Variants in SRPK1 observed in about 807,000 individuals in gnomAD.
SRPK1 encodes SRSF protein kinase 1.
A neutral mutation model predicts 89.5 loss-of-function variants in SRPK1; 52 were observed. That is an observed-to-expected ratio of 0.58 (90% CI 0.46 to 0.73). The LOEUF is 0.73. SRPK1 is among the 30% of genes least tolerant of loss of function. The pLI is 0.00. For missense variants in SRPK1, 603 were observed against 780.6 expected (o/e 0.77, Z 2.71); for synonymous variants, 255 against 270.2 (o/e 0.94, Z 0.55).
Position 35,869,490 on chromosome 6 carries a change from T to C in SRPK1, c.1403A>G (p.Asp468Gly). Residue 468 changes from aspartate (D) to glycine (G), a missense_variant, in exon 11 of 16, where the codon GAC (aspartate) becomes GGC (glycine). Asp to Gly is a moderately conservative substitution (Grantham distance 94). Transcript: ENST00000373825. The part of the protein sequence containing the change: ...EQEQEHNGPL[D>G]NKGKSTAGNF... ...TATAGCTGCATAGGTACCTTTGTTG[T>C]CCAGTGGTCCGTTATGTTCTTGCTC... is the stretch of plus-strand genomic sequence containing the variant. 2 of 1,613,028 alleles carry C rather than the reference T, an allele frequency of 1.2e-6. No homozygotes were observed. Among genetic ancestry groups the C allele is most frequent in the South Asian group, 1.1e-5 (1 of 91,044 alleles).
At position 35,913,289 on chromosome 6, in the gene SRPK1, AAT is replaced by A. The variant is rs543288956; in HGVS notation, c.74+7177_74+7178del. Reference sequence around the variant, plus strand: ...ATTTTCTGACAAGAGAAGTTCTAGAAATTCAATTTTGCAAGTAAATTTATATT... The same window carrying A: ...ATTTTCTGACAAGAGAAGTTCTAGAATCAATTTTGCAAGTAAATTTATATT... On this transcript the variant is annotated intron_variant, in intron 2 of 15. Coordinates refer to ENST00000373825, the MANE Select transcript of SRPK1 (RefSeq NM_003137.5). Among the ~76,000 whole-genome samples, 304 of 152,344 alleles carry A rather than the reference AAT, an allele frequency of 2.0e-3. 2 individuals are homozygous for A. The highest frequency in any genetic ancestry group is 6.9e-3 in the African/African-American group (287 of 41,574).
intron 2 of SRPK1, among the ~76,000 whole-genome samples, chr6:35,894,286 AT>A (rs1415400117): frequency 6.6e-6 from 1 of 152,218 alleles, no homozygotes; most frequent in African/African-American, 2.4e-5. Context: ...ACAGACTATG[AT>A]GCTCTAGTCT....
At chr6:35,865,251 G>A (rs1769868058) in intron 12 of SRPK1, among the ~76,000 whole-genome samples, 2 of 152,128 alleles carry the variant, frequency 1.3e-5, no homozygotes, top group South Asian at 4.2e-4. Context: ...ACTCCATGAT[G>A]TGATTATTTC....
chr6:35,842,447 T>A, intron 14 of SRPK1, 88 bp downstream of exon 14: 1 of 1,008,774 alleles, frequency 9.9e-7, no homozygotes, highest in Non-Finnish European at 1.4e-6. Context: ...CTAACAAGAC[T>A]AAGGCTCTTC....
chr6:35,920,076 C>T, intron 2 of SRPK1: 1 of 462,404 alleles, frequency 2.2e-6, no homozygotes, highest in South Asian at 1.5e-5. Flanking sequence ...GTGAAGACGT[C>T]GGAGGCAAGT....
chr6:35,899,198 C>A (rs906141681), intron 2 of SRPK1, among the ~76,000 whole-genome samples: 7 of 152,112 alleles, frequency 4.6e-5, no homozygotes, highest in African/African-American at 1.7e-4. Context: ...TAATGAAGCA[C>A]AATTAGGCAA....
At chr6:35,895,389 A>G (rs1770608317) in intron 2 of SRPK1, among the ~76,000 whole-genome samples, 1 of 152,114 alleles carries the variant, frequency 6.6e-6, no homozygotes, top group African/African-American at 2.4e-5. Flanking sequence ...ACGAAGTTAA[A>G]GTGCCTACAG....
rs765208863 is a variant in SRPK1 at position 35,870,985 on chromosome 6, G to C, written c.752-26C>G. On this transcript the variant is annotated intron_variant, in intron 8 of 15. Transcript: ENST00000373825. ...CTGAAAAGAAAAGAAAACCAAGTAA[G>C]AATTCTGGCATTCATCAGGCAATAT... 1.9e-6 allele frequency: 3 copies of C among 1,602,866 alleles called. No individual in the cohort carries two copies. The South Asian group carries it at 3.3e-5, about 18-fold the overall frequency.
In SRPK1 at chr6:35,888,116, G is replaced by GATT; in HGVS notation, c.303-6_303-5insAAT. ...ATTGCCACAAATTTCTTCCCCCTAA[G>GATT]AAACAAACACAGGCAATTAAGACTA... On this transcript the variant is annotated splice_polypyrimidine_tract_variant and splice_region_variant and intron_variant, in intron 4 of 15. Coordinates refer to ENST00000373825, the MANE Select transcript of SRPK1 (RefSeq NM_003137.5). The GATT allele has an allele frequency of 6.2e-7, 1 of 1,601,350 alleles. No homozygotes were observed. Among genetic ancestry groups the GATT allele is most frequent in the East Asian group, 2.2e-5 (1 of 44,464 alleles).
chr6:35,833,680 T>A lies in SRPK1; in HGVS notation c.*1624A>T, dbSNP rs746994816. 1 of 152,636 alleles carries A rather than the reference T, an allele frequency of 6.6e-6. No individual in the cohort carries two copies. The allele number at this position is 152,636 out of a possible 1,614,324, so 9.5% of individuals were successfully genotyped here. A position where few individuals can be genotyped will look rare whatever the true frequency, so the allele number is the denominator to read the frequency against. On this transcript the variant is annotated 3_prime_UTR_variant, in exon 16 of 16. Transcript: ENST00000373825. Reference sequence around the variant, plus strand: ...GGCTGGCCAGTTACTCAGAGTAATATGTTTATGAGTTAAATGGATTGCATA... The same window carrying A: ...GGCTGGCCAGTTACTCAGAGTAATAAGTTTATGAGTTAAATGGATTGCATA...
chr6:35,882,161 T>TAGCAGC (rs1554152843), intron 6 of SRPK1, among the ~76,000 whole-genome samples: 4 of 118,392 alleles, frequency 3.4e-5, no homozygotes, highest in Admixed American at 8.3e-5. Flanking sequence ...GTAGTAGTAG[T>TAGCAGC]AGCAGCAGCA....
At chr6:35,850,936 C>T (rs1458298990) in intron 13 of SRPK1, among the ~76,000 whole-genome samples, 1 of 151,932 alleles carries the variant, frequency 6.6e-6, no homozygotes, top group Non-Finnish European at 1.5e-5. Flanking sequence ...CTTCACAAGA[C>T]TAGGGAAAGA....
intron 13 of SRPK1, among the ~76,000 whole-genome samples, chr6:35,852,859 C>T (rs1769583650): frequency 6.6e-6 from 1 of 152,126 alleles, no homozygotes; most frequent in Non-Finnish European, 1.5e-5. Flanking sequence ...TTAGTCAGCC[C>T]TGGGTGTCTG....
intron 6 of SRPK1, among the ~76,000 whole-genome samples, chr6:35,874,577 T>C (rs1445009377): frequency 3.3e-5 from 5 of 152,254 alleles, no homozygotes; most frequent in Non-Finnish European, 7.3e-5. Flanking sequence ...AATATTATTA[T>C]GTACATTAAA....
intron 10 of SRPK1, 101 bp from the exon 11 acceptor site, chr6:35,870,002 G>C: frequency 1.5e-6 from 2 of 1,315,606 alleles, no homozygotes; most frequent in Non-Finnish European, 2.1e-6. Context: ...AACTTATACT[G>C]AGTGACATAA....
intron 12 of SRPK1, among the ~76,000 whole-genome samples, chr6:35,860,088 T>G (rs1383119729): frequency 1.3e-5 from 2 of 151,972 alleles, no homozygotes; most frequent in African/African-American, 4.8e-5. Context: ...ATGGTCTTGA[T>G]CTCCTGACCT....
chr6:35,919,904 T>C (rs1464884296), intron 2 of SRPK1, among the ~76,000 whole-genome samples: 3 of 152,318 alleles, frequency 2.0e-5, no homozygotes, highest in African/African-American at 7.2e-5. Flanking sequence ...TACACAGCGG[T>C]CTGCCGGCAC....
At chr6:35,891,384 T>C (rs1479036819) in intron 2 of SRPK1, among the ~76,000 whole-genome samples, 4 of 152,332 alleles carry the variant, frequency 2.6e-5, no homozygotes, top group Middle Eastern at 3.4e-3. Flanking sequence ...TGGCTTTTTC[T>C]ATTACAAACT....
intron 13 of SRPK1, among the ~76,000 whole-genome samples, chr6:35,848,459 A>G (rs1263986525): frequency 6.6e-6 from 1 of 152,180 alleles, no homozygotes; most frequent in Non-Finnish European, 1.5e-5. Context: ...TGGGAGGCTG[A>G]GATGGGAGGA....
Sources: allele counts gnomAD v4.1 joint callset (sites outside exome capture counted in the v4.1 genomes callset), GRCh38; gene constraint gnomAD v4.1.1; transcripts MANE v1.5; gene names NCBI Gene and HGNC (gene_info 2026-07-23, HGNC 2026-07-21).